The following ZNF248 variants were observed in gnomAD, a reference collection of about 807,000 sequenced individuals.
ZNF248 encodes the protein zinc finger protein 248.
ZNF248 carries 20 observed loss-of-function variants against 44.3 expected under a neutral mutation model. The ratio of observed to expected loss-of-function variants is 0.45; its 90% confidence interval spans 0.32 to 0.66. ZNF248 has a LOEUF of 0.66. Among genes scored for constraint, ZNF248 ranks in the 30% least tolerant of loss-of-function variants. The pLI, the probability that ZNF248 is intolerant of heterozygous loss-of-function variation, is 0.04. For missense variants in ZNF248, 654 were observed against 677.0 expected (o/e 0.97, Z 0.38); for synonymous variants, 224 against 229.0 (o/e 0.98, Z 0.20).
At chr10:37,818,609 C>A in intron 6 of ZNF248, 2 of 444,054 alleles carry the variant, frequency 4.5e-6, no homozygotes, top group Admixed American at 3.0e-5. Flanking sequence ...AGTCTCAATT[C>A]GAAGAACAGC....
At chr10:37,806,625 A>G (rs188353014) in intron 6 of ZNF248, among the ~76,000 whole-genome samples, 2 of 152,140 alleles carry the variant, frequency 1.3e-5, no homozygotes, top group Non-Finnish European at 2.9e-5. Flanking sequence ...AGTTATCTAT[A>G]TATTCTGAAT....
chr10:37,853,965 C>T (rs572253742), intron 3 of ZNF248, among the ~76,000 whole-genome samples: 2 of 152,192 alleles, frequency 1.3e-5, no homozygotes, highest in Admixed American at 6.5e-5. Flanking sequence ...TCTCTAAAGT[C>T]GTAATACTAA....
intron 3 of ZNF248, among the ~76,000 whole-genome samples, chr10:37,839,064 T>A (rs1184292962): frequency 6.6e-6 from 1 of 152,208 alleles, no homozygotes; most frequent in Non-Finnish European, 1.5e-5. Flanking sequence ...GCCTGAGCTA[T>A]AACCATAAGT....
the ZNF248 span, among the ~76,000 whole-genome samples, chr10:37,768,343 T>G: frequency 1.3e-5 from 2 of 151,596 alleles, 1 homozygote; most frequent in African/African-American, 4.8e-5. Flanking sequence ...GCACCACACC[T>G]ATTCCAAAAT....
intron 6 of ZNF248, among the ~76,000 whole-genome samples, chr10:37,790,406 G>T (rs550633506): frequency 5.9e-5 from 9 of 151,452 alleles, no homozygotes; most frequent in African/African-American, 2.2e-4. Context: ...ATAGGGAGAC[G>T]CTGTCTCTAC....
chr10:37,800,034 T>G (rs1403693450), intron 6 of ZNF248, among the ~76,000 whole-genome samples: 1 of 151,672 alleles, frequency 6.6e-6, no homozygotes, highest in Non-Finnish European at 1.5e-5. Flanking sequence ...ATAATGAGAC[T>G]CTGTCTCTAT....
chr10:37,760,803 C>G, the ZNF248 span, among the ~76,000 whole-genome samples: 2 of 152,074 alleles, frequency 1.3e-5, no homozygotes, highest in African/African-American at 4.8e-5. Context: ...CATTGCAGTC[C>G]AGCTCTGGAT....
chr10:37,822,504 T>G (rs1266861900), intron 6 of ZNF248, among the ~76,000 whole-genome samples: 8 of 152,162 alleles, frequency 5.3e-5, no homozygotes, highest in Non-Finnish European at 8.8e-5. Context: ...ACAAAGGGCA[T>G]GATGGTTTGT....
rs2053221204 is a variant in ZNF248, at chr10:37,820,172, C to G, written c.330+12853G>C. ...CTTCCCTCCTTCTTAAGTCAGAATT[C>G]TTACTGTTTTCTAGTGCAGATATTT... On this transcript the variant is annotated intron_variant, in intron 6 of 6. Coordinates refer to the ZNF248 transcript ENST00000615949. 3 of 1,204,194 alleles carry G rather than the reference C, an allele frequency of 2.5e-6. No individual in the cohort carries two copies. In the African/African-American group the frequency reaches 4.5e-5, roughly 18 times the overall value. 74.6% of individuals were successfully genotyped at this position (1,204,194 alleles called of 1,614,324 possible). A position where few individuals can be genotyped will look rare whatever the true frequency, so the allele number is the denominator to read the frequency against.
At chr10:37,815,530 T>C (rs918425002) in intron 6 of ZNF248, among the ~76,000 whole-genome samples, 3 of 152,094 alleles carry the variant, frequency 2.0e-5, no homozygotes, top group East Asian at 1.9e-4. Context: ...ATTTTGTTTA[T>C]AGTTTTCTTG....
Position 37,831,817 on chromosome 10 carries a change from G to C in ZNF248, c.1538C>G (p.Thr513Ser). 6.2e-7 allele frequency: 1 copy of C among 1,613,388 alleles called. No individual in the cohort carries two copies. The highest frequency in any genetic ancestry group is 8.5e-7 in the Non-Finnish European group (1 of 1,179,496). ...VKSNLIVHQR[T>S]HTGEKPYKCN... The stretch of plus-strand genomic sequence containing the variant: ...CTTATATGGTTTCTCCCCAGTGTGA[G>C]TTCTTTGATGTACAATGAGGTTTGA... The change falls in exon 6 of 6, where the codon ACT becomes AGT. Residue 513 changes from threonine (T) to serine (S), a missense_variant. By Grantham distance (58) the Thr-to-Ser change is moderately conservative (BLOSUM62 1). Coordinates refer to ENST00000395867, the MANE Select transcript of ZNF248 (RefSeq NM_021045.3).
intron 6 of ZNF248, among the ~76,000 whole-genome samples, chr10:37,797,237 G>C (rs923119274): frequency 6.6e-6 from 1 of 150,858 alleles, no homozygotes; most frequent in Non-Finnish European, 1.5e-5. Context: ...ATCTAGATAT[G>C]TTTCAGGAGG....
At chr10:37,796,893 T>C (rs2049225581) in intron 6 of ZNF248, among the ~76,000 whole-genome samples, 1 of 152,076 alleles carries the variant, frequency 6.6e-6, no homozygotes, top group Non-Finnish European at 1.5e-5. Context: ...GAGGCAGTTA[T>C]ATAGCAGAAT....
chr10:37,842,791 A>T (rs2058578972), intron 3 of ZNF248, among the ~76,000 whole-genome samples: 1 of 152,212 alleles, frequency 6.6e-6, no homozygotes, highest in South Asian at 2.1e-4. Flanking sequence ...AAACCTGGAA[A>T]GGGTTTCTTT....
At chr10:37,813,396 C>T (rs1489719272) in intron 6 of ZNF248, among the ~76,000 whole-genome samples, 2 of 152,120 alleles carry the variant, frequency 1.3e-5, no homozygotes, top group Non-Finnish European at 2.9e-5. Context: ...TGATGTAGTT[C>T]TGGAAAGTTA....
intron 6 of ZNF248, among the ~76,000 whole-genome samples, chr10:37,813,966 A>G (rs2051996589): frequency 6.6e-6 from 1 of 152,192 alleles, no homozygotes; most frequent in Non-Finnish European, 1.5e-5. Flanking sequence ...ATTTGGTTTT[A>G]TTTAATCCAT....
chr10:37,778,955 C>T (rs1255439513), intron 6 of ZNF248, among the ~76,000 whole-genome samples: 5 of 152,138 alleles, frequency 3.3e-5, no homozygotes, highest in African/African-American at 1.2e-4. Flanking sequence ...TCTCCCAAGA[C>T]TAAACCAGGA....
the ZNF248 span, among the ~76,000 whole-genome samples, chr10:37,765,912 T>C: frequency 6.6e-6 from 1 of 152,224 alleles, no homozygotes; most frequent in Non-Finnish European, 1.5e-5. Flanking sequence ...CCCACCCTAA[T>C]ACTGCACTTT....
chr10:37,849,916 CA>C, intron 3 of ZNF248, among the ~76,000 whole-genome samples: 1 of 151,804 alleles, frequency 6.6e-6, no homozygotes, highest in Non-Finnish European at 1.5e-5. Context: ...ATTAAAAATA[CA>C]AAACTTAGTC....
Sources: allele counts gnomAD v4.1 joint callset (sites outside exome capture counted in the v4.1 genomes callset), GRCh38; gene constraint gnomAD v4.1.1; transcripts MANE v1.5; gene names NCBI Gene and HGNC (gene_info 2026-07-23, HGNC 2026-07-21).